The following KAZN variants were observed in gnomAD, a reference collection of about 807,000 sequenced individuals.
KAZN encodes the protein kazrin.
A neutral mutation model predicts 87.4 loss-of-function variants in KAZN; 40 were observed. That is an observed-to-expected ratio of 0.46 (90% CI 0.36 to 0.60). KAZN has a LOEUF of 0.60. Among genes scored for constraint, KAZN ranks in the 20% least tolerant of loss-of-function variants. The pLI is 0.00. For synonymous variants in KAZN, 466 were observed against 458.3 expected (o/e 1.02, Z -0.22); for missense variants, 898 against 1,073.9 (o/e 0.84, Z 2.29).
At position 14,623,737 on chromosome 1, in the gene KAZN, T is replaced by C. The variant is rs191513531; in HGVS notation, c.226+24514T>C. ...CTGCATCCCACAGATTTTGATACCT[T>C]GTATGTTCATTTTCATCTTTTTTTT... On this transcript the variant is annotated intron_variant, in intron 1 of 14. Coordinates refer to ENST00000376030, the MANE Select transcript of KAZN (RefSeq NM_201628.3). Among the ~76,000 whole-genome samples, 11 of 152,308 alleles carry C rather than the reference T, an allele frequency of 7.2e-5. No individual in the cohort carries two copies. In the East Asian group the frequency reaches 1.4e-3, roughly 19 times the overall value.
chr1:14,694,646 A>C (rs1330249611), intron 1 of KAZN, among the ~76,000 whole-genome samples: 1 of 152,198 alleles, frequency 6.6e-6, no homozygotes, highest in Non-Finnish European at 1.5e-5. Flanking sequence ...AGGATCTGGA[A>C]ATAGATCATC....
chr1:14,801,252 C>A (rs1646008006), intron 1 of KAZN, among the ~76,000 whole-genome samples: 1 of 152,078 alleles, frequency 6.6e-6, no homozygotes, highest in Non-Finnish European at 1.5e-5. Context: ...CACCGCTCAG[C>A]AAGCTCCTCG....
intron 3 of KAZN, among the ~76,000 whole-genome samples, chr1:15,040,529 G>C (rs570567309): frequency 1.3e-5 from 2 of 152,188 alleles, no homozygotes; most frequent in Non-Finnish European, 2.9e-5. Context: ...ACTTAGGGAG[G>C]CTGAGGCAGA....
At chr1:14,788,816 G>T (rs1645587701) in intron 1 of KAZN, among the ~76,000 whole-genome samples, 1 of 152,048 alleles carries the variant, frequency 6.6e-6, no homozygotes, top group Non-Finnish European at 1.5e-5. Flanking sequence ...CACGTAGGAG[G>T]TCACCTAAGA....
At chr1:14,134,542 A>G (rs911362597) in intron 1 of KAZN, among the ~76,000 whole-genome samples, 11 of 152,216 alleles carry the variant, frequency 7.2e-5, no homozygotes, top group Admixed American at 2.6e-4. Context: ...ACTCCAGGGC[A>G]GGTGCTCTTG....
chr1:14,455,856 G>A (rs2148339888), intron 2 of KAZN, among the ~76,000 whole-genome samples: 1 of 152,302 alleles, frequency 6.6e-6, no homozygotes, highest in African/African-American at 2.4e-5. Context: ...ATGCAAAATG[G>A]TCATTTTCTG....
At chr1:15,059,071 C>T (rs1233519297) in intron 5 of KAZN, among the ~76,000 whole-genome samples, 1 of 150,110 alleles carries the variant, frequency 6.7e-6, no homozygotes, top group African/African-American at 2.4e-5. Context: ...TTGTAATTAG[C>T]ACAAGGAGAG....
chr1:13,935,819 G>A (rs1640706760), intron 1 of KAZN, among the ~76,000 whole-genome samples: 1 of 151,390 alleles, frequency 6.6e-6, no homozygotes, highest in South Asian at 2.1e-4. Flanking sequence ...CTGAGCCCCA[G>A]ATTTCCCATT....
At chr1:14,349,946 C>T (rs1364177344) in intron 2 of KAZN, among the ~76,000 whole-genome samples, 1 of 151,952 alleles carries the variant, frequency 6.6e-6, no homozygotes, top group Non-Finnish European at 1.5e-5. Context: ...ACTATCCTGG[C>T]CAACATGGCG....
intron 1 of KAZN, among the ~76,000 whole-genome samples, chr1:14,101,530 A>G (rs1644248477): frequency 6.6e-6 from 1 of 152,134 alleles, no homozygotes; most frequent in Admixed American, 6.6e-5. Context: ...TTGAAGGGAG[A>G]GGGCTGGAGA....
intron 2 of KAZN, among the ~76,000 whole-genome samples, chr1:14,275,287 G>A (rs1571200743): frequency 6.6e-6 from 1 of 152,236 alleles, no homozygotes; most frequent in East Asian, 1.9e-4. Flanking sequence ...AGCAACATCA[G>A]TATCACCCAG....
rs184940242 is a variant in KAZN at position 14,076,221 on chromosome 1, C to T, written c.92-104214C>T. Among the ~76,000 whole-genome samples, 1,399 of 151,862 alleles carry T rather than the reference C, an allele frequency of 9.2e-3. 18 individuals are homozygous for T. The highest frequency in any genetic ancestry group is 0.031 in the African/African-American group (1,301 of 41,374). On this transcript the variant is annotated intron_variant, in intron 1 of 16. Transcript: ENST00000636203. ...GCGTGAACCCGGGAGGTGGAGGTTGCGGTGAGCCGAGATCACGTCACTGCA... is the reference window on the plus strand; with the variant it reads ...GCGTGAACCCGGGAGGTGGAGGTTGTGGTGAGCCGAGATCACGTCACTGCA...
At position 14,353,287 on chromosome 1, in the gene KAZN, C is replaced by T. The variant is rs182711455; in HGVS notation, c.249+172695C>T. Among the ~76,000 whole-genome samples the T allele has an allele frequency of 7.3e-5, 11 of 150,040 alleles. No homozygotes were observed. In the East Asian group the frequency reaches 1.6e-3, roughly 21 times the overall value. ...TCACCCAGGCTGGAGTGCAGTGGCG[C>T]GATCTTGGCTCACTGCAAGCTCTGC... On this transcript the variant is annotated intron_variant, in intron 2 of 16. Coordinates refer to the KAZN transcript ENST00000636203.
At chr1:14,451,454 A>T (rs1323884941) in intron 2 of KAZN, among the ~76,000 whole-genome samples, 1 of 152,126 alleles carries the variant, frequency 6.6e-6, no homozygotes, top group Non-Finnish European at 1.5e-5. Flanking sequence ...AACAGCTGAG[A>T]CTGAGTTTCT....
At chr1:14,876,817 A>G (rs766814776) in intron 1 of KAZN, among the ~76,000 whole-genome samples, 2 of 152,220 alleles carry the variant, frequency 1.3e-5, no homozygotes, top group Non-Finnish European at 2.9e-5. Context: ...GTAGATAGGC[A>G]TGTCTAGATT....
intron 1 of KAZN, among the ~76,000 whole-genome samples, chr1:14,154,868 T>G (rs999646963): frequency 6.6e-6 from 1 of 152,188 alleles, no homozygotes; most frequent in East Asian, 1.9e-4. Flanking sequence ...TGAATGATCT[T>G]TTTCATATAT....
intron 1 of KAZN, among the ~76,000 whole-genome samples, chr1:14,732,325 A>G (rs764828561): frequency 2.7e-4 from 41 of 152,178 alleles, no homozygotes; most frequent in Non-Finnish European, 1.0e-4. Flanking sequence ...TTCCATTTGT[A>G]AGTACTTGTG....
chr1:14,173,115 C>T (rs554350859), intron 1 of KAZN, among the ~76,000 whole-genome samples: 19 of 152,212 alleles, frequency 1.2e-4, no homozygotes, highest in South Asian at 4.2e-4. Context: ...GGGATTCTGA[C>T]CTTATTTCTC....
chr1:14,728,287 TATAAA>T (rs545715094), intron 1 of KAZN, among the ~76,000 whole-genome samples: 10,939 of 68,792 alleles, frequency 0.16, 253 homozygotes, highest in Non-Finnish European at 0.18. Flanking sequence ...ACACCGTATA[TATAAA>T]AAAAAAAAAA....
Sources: allele counts gnomAD v4.1 joint callset (sites outside exome capture counted in the v4.1 genomes callset), GRCh38; gene constraint gnomAD v4.1.1; transcripts MANE v1.5; gene names NCBI Gene and HGNC (gene_info 2026-07-23, HGNC 2026-07-21).